The following LARGE1 variants were observed in gnomAD, a reference collection of about 807,000 sequenced individuals.
The protein encoded by LARGE1 is xylosyl- and glucuronyltransferase LARGE1.
LARGE1 carries 43 observed loss-of-function variants against 87.6 expected under a neutral mutation model. That is an observed-to-expected ratio of 0.49 (90% CI 0.38 to 0.63). The LOEUF (loss-of-function observed/expected upper bound fraction) is 0.63, where lower values mean the gene tolerates loss of function less well. LARGE1 is among the 30% of genes least tolerant of loss of function. The pLI, the probability that LARGE1 is intolerant of heterozygous loss-of-function variation, is 0.00. For missense variants in LARGE1, 802 were observed against 1,000.2 expected (o/e 0.80, Z 2.67); for synonymous variants, 434 against 394.6 (o/e 1.10, Z -1.18).
intron 6 of LARGE1, among the ~76,000 whole-genome samples, chr22:33,529,841 G>A (rs974722998): frequency 2.6e-5 from 4 of 152,160 alleles, no homozygotes; most frequent in South Asian, 2.1e-4. Context: ...AGCTTCATGA[G>A]GGATTCTCAC....
At chr22:33,393,197 G>A (rs943619588) in intron 7 of LARGE1, among the ~76,000 whole-genome samples, 15 of 152,160 alleles carry the variant, frequency 9.9e-5, no homozygotes, top group African/African-American at 3.6e-4. Context: ...CAAAGGTTAG[G>A]AGTTTGCACT....
At chr22:33,320,220 A>T (rs1465775501) in intron 10 of LARGE1, among the ~76,000 whole-genome samples, 3 of 151,808 alleles carry the variant, frequency 2.0e-5, no homozygotes, top group Non-Finnish European at 4.4e-5. Flanking sequence ...CTGTGGCCTC[A>T]TCATTGGTCT....
At chr22:33,745,186 T>C (rs1199753554) in intron 2 of LARGE1, among the ~76,000 whole-genome samples, 1 of 152,184 alleles carries the variant, frequency 6.6e-6, no homozygotes, top group African/African-American at 2.4e-5. Flanking sequence ...GCATCTGGAA[T>C]GCAATACAGG....
intron 3 of LARGE1, among the ~76,000 whole-genome samples, chr22:33,638,328 T>C (rs1450686504): frequency 6.6e-6 from 1 of 152,248 alleles, no homozygotes; most frequent in Non-Finnish European, 1.5e-5. Context: ...ACTAAGCTAA[T>C]AAATACATCC....
intron 11 of LARGE1, among the ~76,000 whole-genome samples, chr22:33,263,978 T>C (rs1290370630): frequency 7.2e-5 from 11 of 152,264 alleles, no homozygotes. Flanking sequence ...TCTGCCCCTC[T>C]GTAAAATGGG....
At chr22:33,305,838 CTTTTTCTTTTT>C (rs1934812555) in intron 11 of LARGE1, among the ~76,000 whole-genome samples, 1 of 126,488 alleles carries the variant, frequency 7.9e-6, no homozygotes, top group African/African-American at 3.2e-5. Flanking sequence ...ATTTCTTTTT[CTTTTTCTTTTT>C]TTTTTTTTTG....
intron 9 of LARGE1, among the ~76,000 whole-genome samples, chr22:33,362,525 G>A (rs1010925089): frequency 2.7e-5 from 4 of 149,684 alleles, no homozygotes; most frequent in Admixed American, 6.6e-5. Flanking sequence ...TGGACACCTA[G>A]GGCAAAGTAG....
intron 1 of LARGE1, among the ~76,000 whole-genome samples, chr22:33,774,601 G>A (rs1018178077): frequency 1.1e-4 from 16 of 152,106 alleles, no homozygotes; most frequent in African/African-American, 3.6e-4. Flanking sequence ...CAGGTGATCC[G>A]TCCCCCTTGG....
chr22:33,351,969 G>T (rs996003244), intron 9 of LARGE1, among the ~76,000 whole-genome samples: 1 of 151,936 alleles, frequency 6.6e-6, no homozygotes, highest in East Asian at 1.9e-4. Context: ...GATCTCTTGC[G>T]CTCATAATCC....
At chr22:33,464,156 T>C (rs1297928324) in intron 6 of LARGE1, among the ~76,000 whole-genome samples, 1 of 152,144 alleles carries the variant, frequency 6.6e-6, no homozygotes, top group East Asian at 1.9e-4. Flanking sequence ...AGGAACTTGA[T>C]CTGTGACAAA....
At chr22:33,780,341 C>T (rs779411815) in intron 1 of LARGE1, among the ~76,000 whole-genome samples, 2 of 152,174 alleles carry the variant, frequency 1.3e-5, no homozygotes, top group African/African-American at 2.4e-5. Flanking sequence ...CCTGCACCAT[C>T]GAGTAAAAGA....
the LARGE1 span, among the ~76,000 whole-genome samples, chr22:33,140,689 G>A: frequency 6.6e-6 from 1 of 152,106 alleles, no homozygotes; most frequent in Non-Finnish European, 1.5e-5. Context: ...TGGACTCTTG[G>A]ACTTACACCA....
chr22:33,078,151 GA>G, the LARGE1 span, among the ~76,000 whole-genome samples: 1 of 151,772 alleles, frequency 6.6e-6, no homozygotes, highest in Non-Finnish European at 1.5e-5. Context: ...CATCTGAATG[GA>G]AAAAAAATGC....
At chr22:33,873,989 C>T (rs1463548381) in intron 1 of LARGE1, among the ~76,000 whole-genome samples, 3 of 151,938 alleles carry the variant, frequency 2.0e-5, no homozygotes, top group Non-Finnish European at 4.4e-5. Context: ...CTCTCTCTCC[C>T]CCTCCTCCGT....
rs149169574 is a variant in LARGE1, at chr22:33,755,831, A to G, written c.106+5540T>C. ...TTAGACACTGGGAGTGTAACGACGA[A>G]TAAAACACTTCCTTCTCTCAAGAAA... is the stretch of plus-strand genomic sequence containing the variant. On this transcript the variant is annotated intron_variant, in intron 2 of 14. Transcript: ENST00000397394. Among the ~76,000 whole-genome samples the G allele has an allele frequency of 3.1e-3, 477 of 152,348 alleles. 1 individual carries two copies. The highest frequency in any genetic ancestry group is 5.4e-3 in the Non-Finnish European group (368 of 68,042).
intron 9 of LARGE1, among the ~76,000 whole-genome samples, chr22:33,340,830 G>A (rs1939061121): frequency 6.6e-6 from 1 of 151,896 alleles, no homozygotes; most frequent in Non-Finnish European, 1.5e-5. Flanking sequence ...CACCTTGCTG[G>A]TAAACATGGG....
chr22:33,647,144 G>C (rs920953329), intron 3 of LARGE1, among the ~76,000 whole-genome samples: 1 of 152,168 alleles, frequency 6.6e-6, no homozygotes, highest in Non-Finnish European at 1.5e-5. Flanking sequence ...AGTAGGTCTG[G>C]GGTAGGTCTC....
intron 12 of LARGE1, 119 bp downstream of exon 12, chr22:33,304,109 TG>T: frequency 1.7e-6 from 2 of 1,149,952 alleles, no homozygotes; most frequent in South Asian, 2.7e-5. Flanking sequence ...GGGTCTCTGC[TG>T]CCCCATCTGG....
At chr22:33,155,788 G>A in the LARGE1 span, among the ~76,000 whole-genome samples, 1 of 152,268 alleles carries the variant, frequency 6.6e-6, no homozygotes, top group African/African-American at 2.4e-5. Context: ...GACTTTTGAG[G>A]CAGACCCTCC....
Sources: gnomAD v4.1 joint callset for allele counts (sites outside exome capture counted in the v4.1 genomes callset) on GRCh38, gnomAD v4.1.1 for gene constraint, MANE v1.5 for transcripts, NCBI Gene and HGNC (gene_info 2026-07-23, HGNC 2026-07-21) for gene names.